The following GRM5 variants were observed in gnomAD, a reference collection of about 807,000 sequenced individuals.
GRM5 encodes the protein glutamate metabotropic receptor 5.
In GRM5, 19 loss-of-function variants were observed where a neutral mutation model predicts 83.1. The ratio of observed to expected loss-of-function variants is 0.23; its 90% CI spans 0.16 to 0.34. The LOEUF is 0.34. Ranked by LOEUF, GRM5 falls within the 10% of genes least tolerant of loss-of-function variation. The pLI is 1.00. For missense variants in GRM5, 1,160 were observed against 1,588.3 expected, an observed-to-expected ratio of 0.73 and a Z score of 4.58; for synonymous variants, 675 against 633.6, an observed-to-expected ratio of 1.07 and a Z score of -0.98.
chr11:88,728,045 A>G (rs553553328), intron 3 of GRM5, among the ~76,000 whole-genome samples: 3 of 152,276 alleles, frequency 2.0e-5, no homozygotes, highest in Non-Finnish European at 2.9e-5. Context: ...ACTAAAGGAG[A>G]TAGAGACATG....
intron 3 of GRM5, among the ~76,000 whole-genome samples, chr11:88,707,246 G>T (rs960881522): frequency 6.6e-6 from 1 of 152,050 alleles, no homozygotes; most frequent in East Asian, 1.9e-4. Context: ...ATCACATATA[G>T]AATTTTGTGC....
intron 2 of GRM5, among the ~76,000 whole-genome samples, chr11:88,988,119 T>G (rs2135039771): frequency 6.7e-6 from 1 of 148,488 alleles, no homozygotes; most frequent in East Asian, 2.0e-4. Context: ...TGAAAAAAAT[T>G]TAGAAGAATG....
intron 2 of GRM5, among the ~76,000 whole-genome samples, chr11:88,956,680 C>T (rs1376373490): frequency 6.6e-6 from 1 of 152,164 alleles, no homozygotes; most frequent in African/African-American, 2.4e-5. Context: ...GTGGCGGGGG[C>T]CTGTAGTCCC....
intron 2 of GRM5, among the ~76,000 whole-genome samples, chr11:89,032,047 A>T (rs1565343566): frequency 6.6e-6 from 1 of 152,080 alleles, no homozygotes; most frequent in Non-Finnish European, 1.5e-5. Context: ...AATACTATTA[A>T]TTTAATTTGC....
At position 88,533,923 on chromosome 11, in the gene GRM5, T is replaced by C. The variant is rs1591329196; in HGVS notation, c.2631-8519A>G. On this transcript the variant is annotated intron_variant, in intron 8 of 9. Coordinates refer to ENST00000305447, the MANE Select transcript of GRM5 (RefSeq NM_001143831.3). ...CCCTGCATCCCAGCCACTCTAGTTATGGCTGAAATGGGTCAACATAGAACT... is the reference window on the plus strand; with the variant it reads ...CCCTGCATCCCAGCCACTCTAGTTACGGCTGAAATGGGTCAACATAGAACT... Among the ~76,000 whole-genome samples the C allele has an allele frequency of 2.0e-5, 3 of 152,124 alleles. No individual in the cohort carries two copies. The South Asian group carries it at 6.2e-4, about 32-fold the overall frequency.
chr11:89,016,573 A>G (rs557923424), intron 2 of GRM5, among the ~76,000 whole-genome samples: 22 of 152,290 alleles, frequency 1.4e-4, no homozygotes, highest in African/African-American at 5.3e-4. Flanking sequence ...GTGTCCCTGA[A>G]AAGTAATTGT....
At chr11:88,766,366 C>T (rs1942624712) in intron 3 of GRM5, among the ~76,000 whole-genome samples, 1 of 151,860 alleles carries the variant, frequency 6.6e-6, no homozygotes, top group South Asian at 2.1e-4. Context: ...GACAAATAGA[C>T]AAATGGAATG....
intron 2 of GRM5, among the ~76,000 whole-genome samples, chr11:89,020,217 A>T (rs561506873): frequency 6.6e-6 from 1 of 152,342 alleles, no homozygotes; most frequent in African/African-American, 2.4e-5. Flanking sequence ...AACACAAAAT[A>T]GTAAGTGCAG....
chr11:88,597,330 C>T lies in GRM5; in HGVS notation c.1417G>A (p.Glu473Lys). 6.5e-7 allele frequency: 1 copy of T among 1,530,702 alleles called. No individual in the cohort carries two copies. Among genetic ancestry groups the T allele is most frequent in the Non-Finnish European group, 9.0e-7 (1 of 1,109,172 alleles). The allele number at this position is 1,530,702 out of a possible 1,614,324, so 94.8% of individuals were successfully genotyped here. The stretch of plus-strand genomic sequence containing the variant: ...TAATCAAAGTAATCTTTTCCCATTT[C>T]CTTGAAATTCATTATTTCATACCTT... Reference protein sequence around the residue: ...PGRYEIMNFKEMGKDYFDYIN... With the variant: ...PGRYEIMNFKKMGKDYFDYIN... The change falls in exon 6 of 10, where the codon GAA (glutamate) becomes AAA (lysine). Residue 473 changes from glutamate (E) to lysine (K), a missense_variant. By Grantham distance (56) the Glu-to-Lys change is moderately conservative. This residue lies in a region of GRM5 where 132 missense variants were observed against 197.6 expected (regional missense o/e 0.67). Coordinates refer to ENST00000305447, the MANE Select transcript of GRM5 (RefSeq NM_001143831.3).
At chr11:88,934,340 C>A (rs1937820003) in intron 2 of GRM5, among the ~76,000 whole-genome samples, 1 of 151,800 alleles carries the variant, frequency 6.6e-6, no homozygotes, top group Admixed American at 6.6e-5. Context: ...CGGATGATAA[C>A]CTAATAACTA....
intron 2 of GRM5, among the ~76,000 whole-genome samples, chr11:89,015,413 T>C (rs1940825971): frequency 1.3e-5 from 2 of 152,188 alleles, no homozygotes; most frequent in South Asian, 4.1e-4. Flanking sequence ...GGCTTCTTCC[T>C]GCCACTCAAG....
intron 3 of GRM5, among the ~76,000 whole-genome samples, chr11:88,789,982 G>C (rs1261942208): frequency 6.6e-6 from 1 of 152,118 alleles, no homozygotes; most frequent in East Asian, 1.9e-4. Context: ...AGTCTCCCAA[G>C]TAGCTGGCAG....
chr11:88,788,049 TG>T (rs1276164195), intron 3 of GRM5, among the ~76,000 whole-genome samples: 1 of 152,144 alleles, frequency 6.6e-6, no homozygotes, highest in Admixed American at 6.6e-5. Context: ...TTATAAATGT[TG>T]CCCTGAAAGA....
intron 3 of GRM5, among the ~76,000 whole-genome samples, chr11:88,776,465 T>C (rs925312225): frequency 2.0e-5 from 3 of 152,214 alleles, no homozygotes; most frequent in South Asian, 2.1e-4. Flanking sequence ...TATATGTGAA[T>C]TTGGTCTGGT....
At chr11:88,896,853 A>C (rs1467159367) in intron 2 of GRM5, among the ~76,000 whole-genome samples, 1 of 151,970 alleles carries the variant, frequency 6.6e-6, no homozygotes, top group Non-Finnish European at 1.5e-5. Flanking sequence ...CTCCAGAAAC[A>C]ACCTCAGAGA....
At chr11:88,930,429 ATAAG>A (rs1400068590) in intron 2 of GRM5, among the ~76,000 whole-genome samples, 2 of 152,116 alleles carry the variant, frequency 1.3e-5, no homozygotes, top group Non-Finnish European at 2.9e-5. Context: ...AAATACATAA[ATAAG>A]TAAGTAAATT....
At chr11:89,035,655 A>G (rs1344730353) in intron 2 of GRM5, among the ~76,000 whole-genome samples, 1 of 152,020 alleles carries the variant, frequency 6.6e-6, no homozygotes, top group Non-Finnish European at 1.5e-5. Context: ...TAGTATTAAT[A>G]ATATATTAAT....
chr11:88,652,858 G>A (rs908359628), intron 4 of GRM5, among the ~76,000 whole-genome samples: 8 of 152,074 alleles, frequency 5.3e-5, no homozygotes, highest in African/African-American at 1.9e-4. Context: ...TGCATTCAAG[G>A]ATGTCAGAAA....
chr11:88,605,037 T>G, intron 4 of GRM5, 73 bp from the exon 5 acceptor site: 1 of 1,222,288 alleles, frequency 8.2e-7, no homozygotes, highest in Non-Finnish European at 1.2e-6. Flanking sequence ...TACTGAATAA[T>G]GGGTTACCTG....
Sources: gnomAD v4.1 joint callset for allele counts (sites outside exome capture counted in the v4.1 genomes callset) on GRCh38, gnomAD v4.1.1 for gene constraint, gnomAD v4.1.1 regional missense constraint, MANE v1.5 for transcripts, NCBI Gene and HGNC (gene_info 2026-07-23, HGNC 2026-07-21) for gene names.